CNTN1: variants seen among roughly 807,000 people sequenced by gnomAD.
The protein encoded by CNTN1 is contactin-1.
Under a neutral mutation model 126.4 loss-of-function variants are expected in CNTN1, and 38 were observed. The ratio of observed to expected loss-of-function variants is 0.30; its 90% CI spans 0.23 to 0.39. CNTN1 has a LOEUF of 0.39. CNTN1 is among the 10% of genes least tolerant of loss of function. The pLI, the probability that CNTN1 is intolerant of heterozygous loss-of-function variation, is 1.00. For synonymous variants in CNTN1, 413 were observed against 422.6 expected, an observed-to-expected ratio of 0.98 and a Z score of 0.28; for missense variants, 1,009 against 1,248.4, an observed-to-expected ratio of 0.81 and a Z score of 2.89.
intron 17 of CNTN1, among the ~76,000 whole-genome samples, chr12:41,004,015 GT>G (rs1443859776): frequency 6.6e-6 from 1 of 152,000 alleles, no homozygotes; most frequent in African/African-American, 2.4e-5. Flanking sequence ...TTGTTCTCTA[GT>G]TTTTTTAGTT....
chr12:40,908,573 A>G, intron 2 of CNTN1, 80 bp downstream of exon 2: 1 of 1,066,302 alleles, frequency 9.4e-7, no homozygotes, highest in Non-Finnish European at 1.4e-6. Context: ...TATTGTATGA[A>G]GTAAAAATTC....
At chr12:40,884,640 T>G (rs1390792424) in intron 1 of CNTN1, among the ~76,000 whole-genome samples, 3 of 151,510 alleles carry the variant, frequency 2.0e-5, no homozygotes, top group African/African-American at 7.2e-5. Flanking sequence ...CTGTGCAAAT[T>G]TTATCAAATA....
At chr12:40,802,057 T>A (rs1395509418) in intron 1 of CNTN1, among the ~76,000 whole-genome samples, 1 of 151,870 alleles carries the variant, frequency 6.6e-6, no homozygotes, top group Non-Finnish European at 1.5e-5. Context: ...TGGTGTAGGA[T>A]GATGCCATTT....
At chr12:40,920,892 G>A (rs1190412424) in intron 4 of CNTN1, among the ~76,000 whole-genome samples, 2 of 152,148 alleles carry the variant, frequency 1.3e-5, no homozygotes, top group African/African-American at 2.4e-5. Context: ...CTTATATGAT[G>A]TCACAAGCAC....
intron 1 of CNTN1, among the ~76,000 whole-genome samples, chr12:40,788,607 A>G (rs1481778552): frequency 6.6e-6 from 1 of 152,078 alleles, no homozygotes; most frequent in East Asian, 1.9e-4. Flanking sequence ...CAACAACCCC[A>G]AATGACCCCT....
chr12:40,705,368 G>A (rs554275979), intron 1 of CNTN1, among the ~76,000 whole-genome samples: 3 of 152,072 alleles, frequency 2.0e-5, no homozygotes, highest in South Asian at 2.1e-4. Flanking sequence ...CTCAGCTTGC[G>A]TATGCTTATA....
chr12:40,968,997 C>T (rs202001629), intron 15 of CNTN1, among the ~76,000 whole-genome samples: 1 of 152,110 alleles, frequency 6.6e-6, no homozygotes, highest in East Asian at 1.9e-4. Flanking sequence ...AACATTTTAG[C>T]TCGTTTAAAA....
Position 40,820,449 on chromosome 12 carries a change from T to C in CNTN1, c.-76-87908T>C, listed in dbSNP as rs185157327. 2.0e-5 allele frequency among the ~76,000 whole-genome samples: 3 copies of C among 152,072 alleles called. 1 individual carries two copies. The South Asian group carries it at 6.2e-4, about 31-fold the overall frequency. On this transcript the variant is annotated intron_variant, in intron 1 of 23. Coordinates refer to ENST00000551295, the MANE Select transcript of CNTN1 (RefSeq NM_001843.4). ...AGTGAAGTCAGAGTCCAGAATACAG[T>C]TGTGTAGAGTGACTATAGGACCTGG...
In CNTN1 at chr12:40,713,030, C is replaced by T. The variant is rs570422488; in HGVS notation, c.-77+20438C>T. Among the ~76,000 whole-genome samples the T allele has an allele frequency of 7.4e-4, 112 of 152,118 alleles. 1 individual carries two copies. Among genetic ancestry groups the T allele is most frequent in the African/African-American group, 2.6e-3 (109 of 41,502 alleles). On this transcript the variant is annotated intron_variant, in intron 1 of 23. Coordinates refer to ENST00000551295, the MANE Select transcript of CNTN1 (RefSeq NM_001843.4). ...TTGCTTGTATTGCTATAAAGGAATA[C>T]CAGAGGCTGTGTAATGTATAAAGAA... is the stretch of plus-strand genomic sequence containing the variant.
intron 1 of CNTN1, among the ~76,000 whole-genome samples, chr12:40,749,941 G>A (rs2136395983): frequency 6.6e-6 from 1 of 152,134 alleles, no homozygotes; most frequent in Non-Finnish European, 1.5e-5. Flanking sequence ...GAAGGAAGGA[G>A]TGATCCACTG....
intron 1 of CNTN1, among the ~76,000 whole-genome samples, chr12:40,845,528 C>T (rs1423210385): frequency 6.6e-6 from 1 of 152,072 alleles, no homozygotes; most frequent in Non-Finnish European, 1.5e-5. Context: ...ATAAAAAATG[C>T]CATCACATCT....
intron 15 of CNTN1, among the ~76,000 whole-genome samples, chr12:40,975,412 G>A (rs575964993): frequency 5.4e-4 from 82 of 151,940 alleles, no homozygotes; most frequent in Non-Finnish European, 7.4e-4. Context: ...CATTCAGGCC[G>A]TTTCCCCAGT....
chr12:41,032,367 C>CA (rs35270939), intron 23 of CNTN1, among the ~76,000 whole-genome samples: 12,356 of 77,474 alleles, frequency 0.16, 939 homozygotes, highest in African/African-American at 0.3. Flanking sequence ...GACTCCGTCT[C>CA]AAAAAAAAAA....
At chr12:40,979,894 T>C (rs902374861) in intron 15 of CNTN1, among the ~76,000 whole-genome samples, 1 of 152,152 alleles carries the variant, frequency 6.6e-6, no homozygotes, top group South Asian at 2.1e-4. Context: ...TTAACATTGT[T>C]TTTTGTTCTG....
chr12:41,069,902 G>A, intron 23 of CNTN1, 57 bp from the exon 24 acceptor site: 1 of 1,402,464 alleles, frequency 7.1e-7, no homozygotes, highest in Non-Finnish European at 1.0e-6. Context: ...CAGACTAAAT[G>A]AGCAATAGTG....
chr12:40,882,877 C>T (rs1293129061), intron 1 of CNTN1, among the ~76,000 whole-genome samples: 2 of 151,428 alleles, frequency 1.3e-5, no homozygotes, highest in African/African-American at 4.8e-5. Flanking sequence ...ACATATGAAG[C>T]TTTGATTTTT....
chr12:40,805,101 C>T lies in CNTN1; in HGVS notation c.-76-103256C>T, dbSNP rs569839889. ...TTAACATATTTTTAATTTTTATTTT[C>T]GTCAGTGTGACTGTGATGTATCTAT... On this transcript the variant is annotated intron_variant, in intron 1 of 23. Transcript: ENST00000551295. Among the ~76,000 whole-genome samples, 11 of 152,024 alleles carry T rather than the reference C, an allele frequency of 7.2e-5. No homozygotes were observed. The South Asian group carries it at 1.2e-3, about 17-fold the overall frequency.
chr12:40,973,246 T>A (rs929719996), intron 15 of CNTN1, among the ~76,000 whole-genome samples: 8 of 152,142 alleles, frequency 5.3e-5, no homozygotes, highest in Non-Finnish European at 8.8e-5. Flanking sequence ...TTCAGCTTCA[T>A]CTTAGTACAA....
chr12:40,807,285 AATTATT>A (rs934604688), intron 1 of CNTN1, among the ~76,000 whole-genome samples: 1 of 151,872 alleles, frequency 6.6e-6, no homozygotes, highest in African/African-American at 2.4e-5. Context: ...TGGTTCCCTC[AATTATT>A]ATTATTATAA....
Sources: allele counts gnomAD v4.1 joint callset (sites outside exome capture counted in the v4.1 genomes callset), GRCh38; gene constraint gnomAD v4.1.1; transcripts MANE v1.5; gene names NCBI Gene and HGNC (gene_info 2026-07-23, HGNC 2026-07-21).